Variants in KCNJ12 observed in about 807,000 individuals in gnomAD.
The protein encoded by KCNJ12 is potassium inwardly rectifying channel subfamily J member 12.
In KCNJ12, 2 loss-of-function variants were observed where a neutral mutation model predicts 22.3. The observed-to-expected ratio is 0.09, with a 90% CI of 0.04 to 0.28. The LOEUF is 0.28. Among genes scored for constraint, KCNJ12 ranks in the 10% least tolerant of loss-of-function variants. The pLI is 1.00. For synonymous variants in KCNJ12, 117 were observed against 261.4 expected, an observed-to-expected ratio of 0.45 and a Z score of 5.33; for missense variants, 155 against 633.3, an observed-to-expected ratio of 0.24 and a Z score of 8.11.
intron 1 of KCNJ12, among the ~76,000 whole-genome samples, chr17:21,390,103 A>G (rs539458034): frequency 6.6e-6 from 1 of 151,990 alleles, no homozygotes; most frequent in South Asian, 2.1e-4. Flanking sequence ...ACTCCCCACC[A>G]GCAGGGTAAC....
chr17:21,404,579 G>A (rs1468181984), intron 1 of KCNJ12, among the ~76,000 whole-genome samples: 1 of 152,238 alleles, frequency 6.6e-6, no homozygotes, highest in African/African-American at 2.4e-5. Context: ...ACAGCAAGTT[G>A]GGGCAGAGCC....
intron 1 of KCNJ12, among the ~76,000 whole-genome samples, chr17:21,387,440 C>CAA (rs782125409): frequency 0.017 from 631 of 36,316 alleles, 42 homozygotes; most frequent in African/African-American, 0.042. Context: ...GACTCTATCT[C>CAA]AAAAAAAAAA....
At chr17:21,380,781 A>AGCAGTGGGCCCCAGATG (rs6146019) in intron 1 of KCNJ12, among the ~76,000 whole-genome samples, 60 of 144,990 alleles carry the variant, frequency 4.1e-4, no homozygotes, top group Non-Finnish European at 7.9e-4. Context: ...GAGTTGCTGT[A>AGCAGTGGGCCCCAGATG]GCAGTGGGCC....
chr17:21,408,325 C>T (rs1216909013), intron 1 of KCNJ12, among the ~76,000 whole-genome samples, 194 bp from the exon 2 acceptor site: 1 of 152,246 alleles, frequency 6.6e-6, no homozygotes, highest in African/African-American at 2.4e-5. Context: ...TTCTGCTCTT[C>T]TCTGGTTCTG....
chr17:21,404,543 A>G (rs1905818508), intron 1 of KCNJ12, among the ~76,000 whole-genome samples: 2 of 152,270 alleles, frequency 1.3e-5, no homozygotes, highest in African/African-American at 2.4e-5. Flanking sequence ...AGACCCAGAG[A>G]GGGACAGAGC....
chr17:21,408,726 C>T (rs1375926673), intron 2 of KCNJ12, 86 bp downstream of exon 2: 2 of 152,346 alleles, frequency 1.3e-5, no homozygotes, highest in South Asian at 4.1e-4. Flanking sequence ...ACCCCTCCAC[C>T]CACCATGCCA....
At chr17:21,385,036 A>G (rs1286753558) in intron 1 of KCNJ12, among the ~76,000 whole-genome samples, 1 of 151,788 alleles carries the variant, frequency 6.6e-6, no homozygotes, top group Non-Finnish European at 1.5e-5. Flanking sequence ...CAGCCTCCCA[A>G]AGTGCTGGGA....
intron 1 of KCNJ12, among the ~76,000 whole-genome samples, chr17:21,380,946 C>G (rs1369826045): frequency 6.6e-6 from 1 of 152,218 alleles, no homozygotes; most frequent in Non-Finnish European, 1.5e-5. Flanking sequence ...TCACTCCTTC[C>G]TGCCTGGCTG....
At chr17:21,406,846 G>A (rs1905970932) in intron 1 of KCNJ12, among the ~76,000 whole-genome samples, 1 of 152,308 alleles carries the variant, frequency 6.6e-6, no homozygotes, top group African/African-American at 2.4e-5. Flanking sequence ...CCCTGGCTGG[G>A]AGGTGCGGAG....
At chr17:21,392,047 T>G (rs1486938862) in intron 1 of KCNJ12, among the ~76,000 whole-genome samples, 5 of 152,224 alleles carry the variant, frequency 3.3e-5, no homozygotes, top group Non-Finnish European at 7.3e-5. Context: ...GGCTGACTTA[T>G]GCTGAGTGTG....
intron 1 of KCNJ12, among the ~76,000 whole-genome samples, chr17:21,398,376 G>A (rs1905453963): frequency 6.6e-6 from 1 of 152,216 alleles, no homozygotes; most frequent in Non-Finnish European, 1.5e-5. Flanking sequence ...CCTTCTGCAT[G>A]TGCAGCCGAG....
rs782173541 is a variant in KCNJ12 at position 21,415,452 on chromosome 17, A to T, written c.110A>T (p.His37Leu). ...AACGGCTTCGGCAACGGCAAGGTGC[A>T]CACGCGGCGCAGGTGCCGCAACCGC... is the stretch of plus-strand genomic sequence containing the variant. ...GANGFGNGKV[H>L]TRRRCRNRFV... Residue 37 changes from histidine (H) to leucine (L), a missense_variant, in exon 3 of 3, where the codon CAC becomes CTC. By Grantham distance (99) the His-to-Leu change is moderately conservative. Transcript: ENST00000583088. The T allele has an allele frequency of 6.8e-6, 11 of 1,614,074 alleles. No homozygotes were observed. The South Asian group carries it at 8.8e-5, about 13-fold the overall frequency.
In KCNJ12 at chr17:21,417,983, A is replaced by T. The variant is rs769448776; in HGVS notation, c.*1339A>T. On this transcript the variant is annotated 3_prime_UTR_variant, in exon 3 of 3. Coordinates refer to ENST00000583088, the MANE Select transcript of KCNJ12 (RefSeq NM_021012.5). ...GGGATGACTGGGGAGGGCCACGCTC[A>T]TTCAAAGCTGAATCAGAAACCAGCC... The T allele has an allele frequency of 2.4e-5, 4 of 167,062 alleles. No individual in the cohort carries two copies. Among genetic ancestry groups the T allele is most frequent in the Non-Finnish European group, 4.4e-5 (3 of 68,210 alleles). The allele number at this position is 167,062 out of a possible 1,614,324, so 10.3% of individuals were successfully genotyped here. A position where few individuals can be genotyped will look rare whatever the true frequency, so the allele number is the denominator to read the frequency against.
chr17:21,382,862 A>G (rs9915709), intron 1 of KCNJ12, among the ~76,000 whole-genome samples: 31,235 of 152,174 alleles, frequency 0.21, 9,890 homozygotes, highest in African/African-American at 0.68. Context: ...GGCAGCAGGG[A>G]TACTTCTCAG....
At chr17:21,409,035 A>G (rs1351198022) in intron 2 of KCNJ12, among the ~76,000 whole-genome samples, 4 of 152,426 alleles carry the variant, frequency 2.6e-5, no homozygotes, top group African/African-American at 9.6e-5. Context: ...CATCCCATTC[A>G]GCTGCTTAGT....
rs3078445 is a variant in KCNJ12 at position 21,419,295 on chromosome 17, C to CGTGTGTGTGTGT, written c.*2674_*2685dup. ...TAGTAATACAGATACGTGATCTATACGTGTGTGTGTGTGTGTGTGTGTGTG... is the reference window on the plus strand; with the variant it reads ...TAGTAATACAGATACGTGATCTATACGTGTGTGTGTGTGTGTGTGTGTGTGTGTGTGTGTGTG... On this transcript the variant is annotated 3_prime_UTR_variant, in exon 3 of 3. Transcript: ENST00000583088. The CGTGTGTGTGTGT allele has an allele frequency of 1.3e-5, 2 of 154,232 alleles. No individual in the cohort carries two copies. Among genetic ancestry groups the CGTGTGTGTGTGT allele is most frequent in the Admixed American group, 1.4e-4 (2 of 14,448 alleles). 9.6% of individuals were successfully genotyped at this position (154,232 alleles called of 1,614,324 possible). A position where few individuals can be genotyped will look rare whatever the true frequency, so the allele number is the denominator to read the frequency against.
chr17:21,413,904 A>G (rs1198314002), intron 2 of KCNJ12, among the ~76,000 whole-genome samples: 2 of 152,288 alleles, frequency 1.3e-5, no homozygotes, highest in Non-Finnish European at 2.9e-5. Flanking sequence ...AGCACTGCCC[A>G]GGTGCTAGGG....
At position 21,402,503 on chromosome 17, in the gene KCNJ12, G is replaced by C. The variant is rs1282881282; in HGVS notation, c.-178-6016G>C. Among the ~76,000 whole-genome samples, 5 of 152,428 alleles carry C rather than the reference G, an allele frequency of 3.3e-5. No individual in the cohort carries two copies. The East Asian group carries it at 9.6e-4, about 29-fold the overall frequency. On this transcript the variant is annotated intron_variant, in intron 1 of 2. Transcript: ENST00000583088. ...CAGGCCGTGGCGCGCTCACAGATCT[G>C]AACTGTAAATGGGGCCTGGGGCAGA...
chr17:21,379,795 G>A (rs537593815), intron 1 of KCNJ12, among the ~76,000 whole-genome samples: 14 of 150,596 alleles, frequency 9.3e-5, no homozygotes, highest in African/African-American at 3.0e-4. Context: ...GGTTGGGGGT[G>A]GGGGGGGGCC....
Sources: gnomAD v4.1 joint callset for allele counts (sites outside exome capture counted in the v4.1 genomes callset) on GRCh38, gnomAD v4.1.1 for gene constraint, MANE v1.5 for transcripts, NCBI Gene and HGNC (gene_info 2026-07-23, HGNC 2026-07-21) for gene names.